The following MED12L variants were observed in gnomAD, a reference collection of about 807,000 sequenced individuals.
MED12L encodes mediator complex subunit 12L.
In MED12L, 60 loss-of-function variants were observed where a neutral mutation model predicts 281.3. The observed-to-expected ratio is 0.21, with a 90% confidence interval of 0.17 to 0.26. The LOEUF is 0.26. MED12L is among the 10% of genes least tolerant of loss of function. MED12L has a pLI of 1.00. For synonymous variants in MED12L, 974 were observed against 987.2 expected (o/e 0.99, Z 0.25); for missense variants, 2,146 against 2,680.9 (o/e 0.80, Z 4.41).
At chr3:151,426,236 A>G (rs1213289789) in intron 43 of MED12L, among the ~76,000 whole-genome samples, 1 of 152,220 alleles carries the variant, frequency 6.6e-6, no homozygotes, top group East Asian at 1.9e-4. Flanking sequence ...TAGCTACAGA[A>G]ATTCTAATTC....
intron 16 of MED12L, chr3:151,328,752 A>G: frequency 6.2e-7 from 1 of 1,614,030 alleles, no homozygotes; most frequent in Non-Finnish European, 8.5e-7. Flanking sequence ...TGTGAGTCAG[A>G]GAGGATTTTG....
At chr3:151,404,077 A>G (rs1716010682) in intron 39 of MED12L, among the ~76,000 whole-genome samples, 1 of 152,232 alleles carries the variant, frequency 6.6e-6, no homozygotes, top group Admixed American at 6.5e-5. Flanking sequence ...AACAATTTGC[A>G]TCAATCACTG....
intron 21 of MED12L, among the ~76,000 whole-genome samples, chr3:151,364,158 T>C (rs759773524): frequency 2.6e-4 from 39 of 152,152 alleles, no homozygotes; most frequent in Non-Finnish European, 5.6e-4. Flanking sequence ...TAAGCACAAA[T>C]GGCTAAGTTT....
At chr3:151,214,389 A>G (rs1727784700) in intron 16 of MED12L, 3 of 1,287,384 alleles carry the variant, frequency 2.3e-6, no homozygotes, top group South Asian at 2.8e-5. Context: ...ATGGCCTCCA[A>G]GACATTTGCT....
chr3:151,165,534 A>G lies in MED12L; in HGVS notation c.1357+15A>G, dbSNP rs1194574472. ...ATCCACAGCAGGTACAGAATGCCAC[A>G]GAGGAACGAGTGCTTTTGAATGTTG... On this transcript the variant is annotated intron_variant, in intron 10 of 44. Transcript: ENST00000687756. The G allele has an allele frequency of 3.8e-6, 6 of 1,589,604 alleles. No individual in the cohort carries two copies. Among genetic ancestry groups the G allele is most frequent in the Non-Finnish European group, 5.2e-6 (6 of 1,157,908 alleles).
At position 151,372,750 on chromosome 3, in the gene MED12L, G is replaced by A. The variant is rs1201574115; in HGVS notation, c.3848G>A (p.Arg1283Lys). The change falls in exon 27 of 45, where the codon AGG (arginine) becomes AAG (lysine). Residue 1283 changes from arginine (R) to lysine (K), a missense_variant. Transcript: ENST00000687756. ...NLREYARYVL[R>K]TICQQEWVGE... ...AGAGAATACGCTAGATATGTACTGA[G>A]GACTATCTGTCAACAGGTATTCTAA... 1 of 1,612,324 alleles carries A rather than the reference G, an allele frequency of 6.2e-7. No homozygotes were observed. The highest frequency in any genetic ancestry group is 8.5e-7 in the Non-Finnish European group (1 of 1,178,604).
chr3:151,360,910 A>G (rs1434146556), intron 21 of MED12L, among the ~76,000 whole-genome samples: 3 of 152,090 alleles, frequency 2.0e-5, no homozygotes, highest in African/African-American at 4.8e-5. Flanking sequence ...TACATTTTCT[A>G]TATGTTGTAC....
chr3:151,313,201 A>T, intron 16 of MED12L, among the ~76,000 whole-genome samples: 1 of 152,204 alleles, frequency 6.6e-6, no homozygotes, highest in Non-Finnish European at 1.5e-5. Context: ...CCTGCACAGA[A>T]GTTTGGTATT....
intron 38 of MED12L, 134 bp from the exon 39 acceptor site, chr3:151,394,522 G>C: frequency 7.4e-7 from 1 of 1,350,338 alleles, no homozygotes; most frequent in Non-Finnish European, 1.0e-6. Context: ...ATTTGTGGCA[G>C]GTGGGACAGT....
intron 5 of MED12L, among the ~76,000 whole-genome samples, chr3:151,136,723 G>A (rs1053878170): frequency 1.3e-5 from 2 of 152,210 alleles, no homozygotes; most frequent in African/African-American, 2.4e-5. Flanking sequence ...TTCAGTAAAT[G>A]AGGGCTTTCT....
chr3:151,265,638 C>T (rs766192519), intron 16 of MED12L, among the ~76,000 whole-genome samples: 18 of 152,084 alleles, frequency 1.2e-4, no homozygotes, highest in South Asian at 2.1e-4. Flanking sequence ...CCTTTTTATA[C>T]GGAGGAATCT....
At chr3:151,262,890 G>A (rs2089084280) in intron 16 of MED12L, among the ~76,000 whole-genome samples, 1 of 152,170 alleles carries the variant, frequency 6.6e-6, no homozygotes, top group Non-Finnish European at 1.5e-5. Flanking sequence ...ATAGAGGGCA[G>A]TAAGGCTTGG....
intron 38 of MED12L, among the ~76,000 whole-genome samples, chr3:151,394,362 C>T (rs532271818): frequency 6.6e-6 from 1 of 152,240 alleles, no homozygotes; most frequent in African/African-American, 2.4e-5. Context: ...AATTTAAAAC[C>T]CATGTAATTA....
chr3:151,162,714 T>G (rs1218800976), intron 8 of MED12L, among the ~76,000 whole-genome samples: 2 of 152,186 alleles, frequency 1.3e-5, no homozygotes, highest in African/African-American at 4.8e-5. Flanking sequence ...GCTGGGATTA[T>G]ATGTGCAAGC....
chr3:151,229,630 C>A (rs1577043354), intron 16 of MED12L, among the ~76,000 whole-genome samples: 1 of 152,030 alleles, frequency 6.6e-6, no homozygotes, highest in African/African-American at 2.4e-5. Flanking sequence ...AGGCGCCCAC[C>A]ACCATGCCTG....
At chr3:151,331,300 A>G (rs1384072767) in intron 16 of MED12L, among the ~76,000 whole-genome samples, 2 of 152,184 alleles carry the variant, frequency 1.3e-5, no homozygotes, top group Non-Finnish European at 2.9e-5. Flanking sequence ...TTTGCCCTTG[A>G]AGACACAGCT....
Position 151,400,531 on chromosome 3 carries a change from G to T in MED12L, c.5820+5664G>T, listed in dbSNP as rs553438329. Among the ~76,000 whole-genome samples the T allele has an allele frequency of 8.3e-4, 126 of 152,284 alleles. 1 individual carries two copies. The highest frequency in any genetic ancestry group is 1.5e-3 in the Non-Finnish European group (100 of 68,010). On this transcript the variant is annotated intron_variant, in intron 39 of 44. Transcript: ENST00000687756. ...AGTACATGTAGCGACTTGTAAAGAGGTTAGGTTATCCACCGTGGAGCAGGT... is the reference window on the plus strand; with the variant it reads ...AGTACATGTAGCGACTTGTAAAGAGTTTAGGTTATCCACCGTGGAGCAGGT...
Position 151,311,644 on chromosome 3 carries a change from G to A in MED12L, c.2251-38415G>A, listed in dbSNP as rs578040567. On this transcript the variant is annotated intron_variant, in intron 16 of 44. Transcript: ENST00000687756. Reference sequence around the variant, plus strand: ...ACAACTAGAATACAATTGTAGCTGCGATTATTTAAGGATTGCATATTACTT... The same window carrying A: ...ACAACTAGAATACAATTGTAGCTGCAATTATTTAAGGATTGCATATTACTT... Among the ~76,000 whole-genome samples, 8 of 152,162 alleles carry A rather than the reference G, an allele frequency of 5.3e-5. No homozygotes were observed. The South Asian group carries it at 8.3e-4, about 16-fold the overall frequency.
intron 8 of MED12L, among the ~76,000 whole-genome samples, chr3:151,163,251 C>A (rs536171203): frequency 2.8e-4 from 43 of 152,038 alleles, no homozygotes; most frequent in Admixed American, 2.4e-3. Context: ...GTGTCTAGGG[C>A]GAGGGAGATC....
Sources: gnomAD v4.1 joint callset for allele counts (sites outside exome capture counted in the v4.1 genomes callset) on GRCh38, gnomAD v4.1.1 for gene constraint, MANE v1.5 for transcripts, NCBI Gene and HGNC (gene_info 2026-07-23, HGNC 2026-07-21) for gene names.